TRIM14: variants seen among roughly 807,000 people sequenced by gnomAD.
The protein encoded by TRIM14 is tripartite motif-containing protein 14.
TRIM14 carries 28 observed loss-of-function variants against 44.5 expected under a neutral mutation model. That is an observed-to-expected ratio of 0.63 (90% CI 0.47 to 0.86). TRIM14 has a LOEUF of 0.86. Among genes scored for constraint, TRIM14 ranks in the 40% least tolerant of loss-of-function variants. The pLI is 0.00. For missense variants in TRIM14, 607 were observed against 611.1 expected (o/e 0.99, Z 0.07); for synonymous variants, 299 against 269.2 (o/e 1.11, Z -1.08).
chr9:98,047,928 G>A, the TRIM14 span, among the ~76,000 whole-genome samples: 6 of 152,190 alleles, frequency 3.9e-5, no homozygotes, highest in Non-Finnish European at 8.8e-5. Context: ...AGCTGGGCGT[G>A]GTGGCACATG....
At chr9:98,038,941 T>C in the TRIM14 span, among the ~76,000 whole-genome samples, 2 of 151,854 alleles carry the variant, frequency 1.3e-5, no homozygotes, top group East Asian at 3.9e-4. Flanking sequence ...TCCCAGCTAC[T>C]GGGGAGGCTG....
At chr9:98,111,994 G>T (rs192213749) in intron 1 of TRIM14, among the ~76,000 whole-genome samples, 1 of 152,162 alleles carries the variant, frequency 6.6e-6, no homozygotes, top group East Asian at 1.9e-4. Context: ...TATGTTAAAT[G>T]AAGTAATAGG....
chr9:98,078,924 C>T (rs1197926895), intron 6 of TRIM14, among the ~76,000 whole-genome samples: 3 of 151,780 alleles, frequency 2.0e-5, no homozygotes, highest in African/African-American at 7.3e-5. Context: ...GCTATGAACA[C>T]TAGCGTACAG....
chr9:98,055,862 C>T, the TRIM14 span, among the ~76,000 whole-genome samples: 2 of 151,994 alleles, frequency 1.3e-5, no homozygotes, highest in South Asian at 2.1e-4. Context: ...CTCAGCCTCT[C>T]GAGTAGCTGG....
At chr9:98,092,090 G>A in intron 4 of TRIM14, 89 bp from the exon 5 acceptor site, 4 of 950,496 alleles carry the variant, frequency 4.2e-6, no homozygotes, top group Non-Finnish European at 4.7e-6. Flanking sequence ...CTGGAGATTC[G>A]CATAATCTCG....
At chr9:98,115,621 T>G (rs981247221) in intron 1 of TRIM14, among the ~76,000 whole-genome samples, 14 of 152,128 alleles carry the variant, frequency 9.2e-5, no homozygotes, top group Non-Finnish European at 5.9e-5. Context: ...TGACCTCAAC[T>G]GATCCGCCCA....
intron 6 of TRIM14, among the ~76,000 whole-genome samples, chr9:98,073,296 T>TTG (rs1395423676): frequency 2.2e-5 from 3 of 138,740 alleles, no homozygotes; most frequent in Admixed American, 7.3e-5. Flanking sequence ...TTTTTTTTTT[T>TTG]TTTTTTGAGA....
chr9:98,105,238 G>T (rs1342683182), intron 2 of TRIM14, among the ~76,000 whole-genome samples: 3 of 152,214 alleles, frequency 2.0e-5, no homozygotes, highest in African/African-American at 7.2e-5. Context: ...TATTCCACCC[G>T]CAGGGGTTCT....
At chr9:98,044,686 C>T in the TRIM14 span, among the ~76,000 whole-genome samples, 1 of 152,040 alleles carries the variant, frequency 6.6e-6, no homozygotes, top group African/African-American at 2.4e-5. Flanking sequence ...AATGCTCTTT[C>T]TCTTGGATGC....
At chr9:98,077,387 T>G (rs1829639264) in intron 6 of TRIM14, among the ~76,000 whole-genome samples, 1 of 151,846 alleles carries the variant, frequency 6.6e-6, no homozygotes, top group East Asian at 1.9e-4. Context: ...TTTTTTTTTT[T>G]TTAATAGAGA....
chr9:98,036,665 T>C, the TRIM14 span, among the ~76,000 whole-genome samples: 1 of 151,838 alleles, frequency 6.6e-6, no homozygotes, highest in South Asian at 2.1e-4. Flanking sequence ...GCCAGGGGGA[T>C]TGGGGGCTCA....
intron 2 of TRIM14, 86 bp from the exon 3 acceptor site, chr9:98,100,250 G>T: frequency 1.6e-6 from 2 of 1,259,772 alleles, no homozygotes; most frequent in Non-Finnish European, 2.3e-6. Context: ...CATAACGTCT[G>T]AAATGTGAGT....
At chr9:98,042,074 A>G in the TRIM14 span, among the ~76,000 whole-genome samples, 2 of 151,236 alleles carry the variant, frequency 1.3e-5, no homozygotes, top group African/African-American at 4.8e-5. Flanking sequence ...GCGGCGGATC[A>G]CAAGGTCAGG....
intron 6 of TRIM14, chr9:98,074,591 G>A (rs1829497741): frequency 6.6e-6 from 1 of 152,190 alleles, no homozygotes; most frequent in Non-Finnish European, 1.5e-5. Flanking sequence ...CCCAGGAGGC[G>A]GCAAAATGAG....
At chr9:98,057,033 G>A in the TRIM14 span, 1 of 1,419,976 alleles carries the variant, frequency 7.0e-7, no homozygotes, top group East Asian at 2.7e-5. Flanking sequence ...TCCGCGGCTG[G>A]GTACCCTGGT....
chr9:98,080,988 T>C (rs1308912641), downstream of TRIM14: 2 of 1,614,198 alleles, frequency 1.2e-6, no homozygotes, highest in South Asian at 1.1e-5. Context: ...CCTGGAGAAC[T>C]GGCCGAGCTG....
the TRIM14 span, among the ~76,000 whole-genome samples, chr9:98,055,831 G>C: frequency 6.6e-6 from 1 of 151,926 alleles, no homozygotes; most frequent in African/African-American, 2.4e-5. Flanking sequence ...TCCACCTCCC[G>C]GGTTCAAGCG....
chr9:98,060,815 AGT>A, the TRIM14 span: 1 of 1,614,172 alleles, frequency 6.2e-7, no homozygotes, highest in Non-Finnish European at 8.5e-7. Flanking sequence ...GTTCCAGAAG[AGT>A]GAGCTAGAAT....
chr9:98,042,005 G>T, the TRIM14 span, among the ~76,000 whole-genome samples: 8 of 151,514 alleles, frequency 5.3e-5, no homozygotes, highest in African/African-American at 1.4e-4. Context: ...TTAAAAAAAA[G>T]TTTTCCTGGC....
Sources: allele counts gnomAD v4.1 joint callset (sites outside exome capture counted in the v4.1 genomes callset), GRCh38; gene constraint gnomAD v4.1.1; transcripts MANE v1.5; gene names NCBI Gene and HGNC (gene_info 2026-07-23, HGNC 2026-07-21).